Variants in ARRDC2 observed in about 807,000 individuals in gnomAD.
ARRDC2 encodes arrestin domain containing 2, also known as arrestin domain-containing protein 2.
A neutral mutation model predicts 38.9 loss-of-function variants in ARRDC2; 39 were observed. The ratio of observed to expected loss-of-function variants is 1.00; its 90% CI spans 0.78 to 1.31. The LOEUF (loss-of-function observed/expected upper bound fraction) is 1.31. ARRDC2 is among the 50% of genes most tolerant of loss of function. ARRDC2 has a pLI of 0.00. For missense variants in ARRDC2, 553 were observed against 588.4 expected (o/e 0.94, Z 0.62); for synonymous variants, 300 against 261.9 (o/e 1.15, Z -1.41).
upstream of ARRDC2, among the ~76,000 whole-genome samples, chr19:18,006,996 C>G (rs998995936): frequency 1.4e-5 from 2 of 141,802 alleles, no homozygotes; most frequent in African/African-American, 2.7e-5. Flanking sequence ...GTTCCTGTTC[C>G]GATCCCCATC....
At chr19:18,008,030 T>C, upstream of ARRDC2, 1 of 820,754 alleles carries the variant, frequency 1.2e-6, no homozygotes, top group Non-Finnish European at 1.7e-6. Context: ...CAGGGGCGTT[T>C]GTTATTTTGC....
In ARRDC2 at chr19:18,008,278, T is replaced by G. The variant is rs778676470; in HGVS notation, c.-33T>G. 19 of 1,578,400 alleles carry G rather than the reference T, an allele frequency of 1.2e-5. 2 individuals carry two copies. The South Asian group carries it at 2.1e-4, about 18-fold the overall frequency. On this transcript the variant is annotated 5_prime_UTR_variant, in exon 1 of 8. Transcript: ENST00000222250. ...GCCGGTTCGCGAGTTCGAGGCCAGG[T>G]TCCGCCTGTCGTGGGTTCGCACCCC...
intron 7 of ARRDC2, among the ~76,000 whole-genome samples, chr19:18,012,123 A>G (rs1175272542): frequency 2.0e-5 from 3 of 150,354 alleles, no homozygotes; most frequent in African/African-American, 4.9e-5. Flanking sequence ...ATGCCCAGCT[A>G]ATTTTTGTAT....
chr19:18,008,430 C>A lies in ARRDC2; in HGVS notation c.120C>A (p.Ser40Arg). 3.1e-6 allele frequency: 5 copies of A among 1,588,814 alleles called. No individual in the cohort carries two copies. The highest frequency in any genetic ancestry group is 4.3e-6 in the Non-Finnish European group (5 of 1,175,216). ...VAGRVLLELS[S>R]AARVGALRLR... is the part of the protein sequence containing the mutation. ...GCCGGGTGCTGCTGGAGCTGTCAAG[C>A]GCCGCGCGTGTGGGTGCCCTGAGGC... The change falls in exon 1 of 8, where the codon AGC becomes AGA. Residue 40 changes from serine (S) to arginine (R), a missense_variant. This residue lies in a region of ARRDC2 where 447 missense variants were observed against 456.6 expected (regional missense o/e 0.98). Transcript: ENST00000222250.
In ARRDC2 at chr19:18,010,312, C is replaced by T; in HGVS notation, c.966C>T (p.Ser322=). The change falls in exon 6 of 8, where the codon AGC becomes AGT. Residue 322 remains serine, a synonymous_variant. Coordinates refer to ENST00000222250, the MANE Select transcript of ARRDC2 (RefSeq NM_015683.2). The part of the protein sequence containing the change: ...SRSSSVGSHA[S]FLLDWRLGAL... ...CCTCCAGCGTGGGCAGCCACGCCAG[C>T]TTCCTGCTGGACTGGAGGCTGGGGG... 2 of 1,612,804 alleles carry T rather than the reference C, an allele frequency of 1.2e-6. No individual in the cohort carries two copies. Among genetic ancestry groups the T allele is most frequent in the Non-Finnish European group, 1.7e-6 (2 of 1,180,022 alleles).
upstream of ARRDC2, among the ~76,000 whole-genome samples, chr19:18,006,041 G>A (rs1240220676): frequency 2.6e-5 from 4 of 151,928 alleles, no homozygotes; most frequent in African/African-American, 9.7e-5. Flanking sequence ...CGGCCGGGCA[G>A]AGACGCTCCT....
In ARRDC2 at chr19:18,013,098, C is replaced by A; in HGVS notation, c.*132C>A. On this transcript the variant is annotated 3_prime_UTR_variant, in exon 8 of 8. Transcript: ENST00000222250. ...TGGGGAACCAAGTCTCAGAGTGAGG[C>A]GGGGGCCTTTCGGATATCACATGGG... The A allele has an allele frequency of 1.1e-6, 1 of 946,760 alleles. No homozygotes were observed. 58.6% of individuals were successfully genotyped at this position (946,760 alleles called of 1,614,324 possible).
chr19:18,011,273 ATGCG>A (rs1461343036), intron 7 of ARRDC2, among the ~76,000 whole-genome samples: 1 of 152,094 alleles, frequency 6.6e-6, no homozygotes. Context: ...CTGGGATTAT[ATGCG>A]TGAGCTACCA....
intron 2 of ARRDC2, 61 bp from the exon 3 acceptor site, chr19:18,008,910 C>T: frequency 6.2e-7 from 1 of 1,605,622 alleles, no homozygotes. Context: ...GTCTGTGTCT[C>T]CTTCTCCCTG....
chr19:18,001,689 G>C (rs1358339040), intron 1 of ARRDC2: 1 of 1,185,556 alleles, frequency 8.4e-7, no homozygotes, highest in Non-Finnish European at 1.1e-6. Flanking sequence ...CCTTTTCAAG[G>C]AGGGGGAAAC....
chr19:18,008,191 A>G lies in ARRDC2; in HGVS notation c.-120A>G. 4 of 1,231,036 alleles carry G rather than the reference A, an allele frequency of 3.2e-6. No individual in the cohort carries two copies. Among genetic ancestry groups the G allele is most frequent in the Non-Finnish European group, 4.1e-6 (4 of 973,010 alleles). 76.3% of individuals were successfully genotyped at this position (1,231,036 alleles called of 1,614,324 possible). A position where few individuals can be genotyped will look rare whatever the true frequency, so the allele number is the denominator to read the frequency against. ...CGGGGATTTTCTGCTCCGGTTGGTG[A>G]GCGCGCCTGCGCGTTGACGGCGATT... On this transcript the variant is annotated 5_prime_UTR_variant, in exon 1 of 8. Transcript: ENST00000222250.
chr19:18,011,952 ATTT>A (rs71164342), intron 7 of ARRDC2, among the ~76,000 whole-genome samples: 21 of 100,738 alleles, frequency 2.1e-4, no homozygotes, highest in African/African-American at 7.3e-4. Flanking sequence ...ATATATATAT[ATTT>A]TTTTTTTTTT....
chr19:18,009,585 C>T lies in ARRDC2; in HGVS notation c.490-7C>T. On this transcript the variant is annotated splice_region_variant and splice_polypyrimidine_tract_variant and intron_variant, in intron 3 of 7. Coordinates refer to ENST00000222250, the MANE Select transcript of ARRDC2 (RefSeq NM_015683.2). ...CTCATCCATGTCACTTTCCTCTACA[C>T]CGACAGGCACCTCAAGCGGGGGCTC... 1 of 1,593,008 alleles carries T rather than the reference C, an allele frequency of 6.3e-7. No homozygotes were observed. The highest frequency in any genetic ancestry group is 8.6e-7 in the Non-Finnish European group (1 of 1,165,558).
chr19:18,009,973 G>A lies in ARRDC2; in HGVS notation c.783G>A (p.Leu261=), dbSNP rs1328696621. 1 of 1,603,402 alleles carries A rather than the reference G, an allele frequency of 6.2e-7. No homozygotes were observed. Among genetic ancestry groups the A allele is most frequent in the Non-Finnish European group, 8.5e-7 (1 of 1,179,700 alleles). The change falls in exon 5 of 8, where the codon CTG becomes CTA. Residue 261 remains leucine (L), a synonymous_variant. Coordinates refer to ENST00000222250, the MANE Select transcript of ARRDC2 (RefSeq NM_015683.2). ...GQRALWQGRA[L]RIPPVGPSIL... ...GGGCGCTGTGGCAGGGCCGGGCACTGCGGATCCCCCCAGTGGGTCCTTCCA... is the reference window on the plus strand; with the variant it reads ...GGGCGCTGTGGCAGGGCCGGGCACTACGGATCCCCCCAGTGGGTCCTTCCA...
chr19:18,001,593 GC>G, intron 1 of ARRDC2: 3 of 1,304,358 alleles, frequency 2.3e-6, no homozygotes, highest in East Asian at 3.1e-5. Context: ...TCGTCGCGCC[GC>G]CCCCGCAGCA....
rs762593420 is a variant in ARRDC2, at chr19:18,008,589, G to A, written c.274+5G>A. The stretch of plus-strand genomic sequence containing the variant: ...GCGCCACGCTCCTGGCGCCAGGTAC[G>A]GATGGAGGACCCCTGCTCCAACACC... On this transcript the variant is annotated splice_donor_5th_base_variant and intron_variant, in intron 1 of 7. Coordinates refer to ENST00000222250, the MANE Select transcript of ARRDC2 (RefSeq NM_015683.2). 2.5e-6 allele frequency: 4 copies of A among 1,590,626 alleles called. No individual in the cohort carries two copies. The highest frequency in any genetic ancestry group is 1.1e-5 in the South Asian group (1 of 90,416).
At chr19:18,008,831 G>T (rs2033340755) in intron 2 of ARRDC2, 54 bp downstream of exon 2, 1 of 1,606,750 alleles carries the variant, frequency 6.2e-7, no homozygotes, top group African/African-American at 1.3e-5. Context: ...TTCCAGATTG[G>T]TACCTCCAAT....
At chr19:18,005,942 C>T (rs1461050691), upstream of ARRDC2, among the ~76,000 whole-genome samples, 9 of 150,766 alleles carry the variant, frequency 6.0e-5, no homozygotes, top group Admixed American at 1.3e-4. Flanking sequence ...TCCTCACCTC[C>T]CAGACGGGGT....
In ARRDC2 at chr19:18,009,096, A is replaced by G. The variant is rs1417217217; in HGVS notation, c.467A>G (p.Asp156Gly). ...GTGTTCACTGTCATCGAGCCTGTGG[A>G]CATCAACACGCCAGCCCTGCTGGTG... ...RKVFTVIEPV[D>G]INTPALLAPQ... The change falls in exon 3 of 8, where the codon GAC (aspartate) becomes GGC (glycine). Residue 156 changes from aspartate to glycine, a missense_variant. Physicochemically the swap from Asp to Gly is moderately conservative, Grantham distance 94. Coordinates refer to ENST00000222250, the MANE Select transcript of ARRDC2 (RefSeq NM_015683.2). The G allele has an allele frequency of 3.1e-6, 5 of 1,613,606 alleles. No homozygotes were observed. Among genetic ancestry groups the G allele is most frequent in the Non-Finnish European group, 4.2e-6 (5 of 1,179,960 alleles).
Sources: gnomAD v4.1 joint callset for allele counts (sites outside exome capture counted in the v4.1 genomes callset) on GRCh38, gnomAD v4.1.1 for gene constraint, gnomAD v4.1.1 regional missense constraint, MANE v1.5 for transcripts, NCBI Gene and HGNC (gene_info 2026-07-23, HGNC 2026-07-21) for gene names.